SCD5: variants seen among roughly 807,000 people sequenced by gnomAD.
SCD5 encodes the protein acyl-CoA-desaturase 4.
SCD5 carries 20 observed loss-of-function variants against 30.4 expected under a neutral mutation model. That is an observed-to-expected ratio of 0.66 (90% confidence interval 0.46 to 0.96). The LOEUF is 0.96. SCD5 is among the 40% of genes least tolerant of loss of function. The probability of loss-of-function intolerance (pLI) is 0.00; values close to 1 mark genes in which losing one functional copy is unlikely to be tolerated. For synonymous variants in SCD5, 173 were observed against 176.4 expected (o/e 0.98, Z 0.16); for missense variants, 381 against 443.3 (o/e 0.86, Z 1.26).
At chr4:82,701,870 A>G (rs1463973536) in intron 2 of SCD5, among the ~76,000 whole-genome samples, 1 of 152,192 alleles carries the variant, frequency 6.6e-6, no homozygotes, top group African/African-American at 2.4e-5. Context: ...TGAGCGTGAC[A>G]GCACAAATCT....
chr4:82,734,430 C>A (rs116029840), intron 1 of SCD5, among the ~76,000 whole-genome samples: 8,199 of 152,252 alleles, frequency 0.054, 267 homozygotes, highest in Non-Finnish European at 0.062. Flanking sequence ...TTTTCCTCTA[C>A]GTATAATCGA....
chr4:82,711,523 G>C (rs1720085580), intron 1 of SCD5, among the ~76,000 whole-genome samples: 1 of 152,134 alleles, frequency 6.6e-6, no homozygotes, highest in Non-Finnish European at 1.5e-5. Context: ...AGACCAGCCT[G>C]GATGACAAGG....
intron 1 of SCD5, among the ~76,000 whole-genome samples, chr4:82,781,227 C>A (rs903102600): frequency 6.6e-6 from 1 of 152,076 alleles, no homozygotes; most frequent in Non-Finnish European, 1.5e-5. Context: ...CCAGCCTGGG[C>A]AACATGGTGA....
intron 2 of SCD5, among the ~76,000 whole-genome samples, chr4:82,699,145 C>A (rs1446315460): frequency 6.6e-6 from 1 of 152,122 alleles, no homozygotes; most frequent in Admixed American, 6.5e-5. Flanking sequence ...CATCCCCCCA[C>A]CCTGCCATCT....
At chr4:82,714,696 G>A (rs1191265968) in intron 1 of SCD5, among the ~76,000 whole-genome samples, 2 of 152,238 alleles carry the variant, frequency 1.3e-5, no homozygotes, top group East Asian at 1.9e-4. Flanking sequence ...AATCTGAAAT[G>A]TTCTAAAATT....
chr4:82,638,052 G>A (rs761487308), intron 3 of SCD5, among the ~76,000 whole-genome samples: 4 of 152,042 alleles, frequency 2.6e-5, no homozygotes, highest in African/African-American at 4.8e-5. Flanking sequence ...GTGTCCGTGT[G>A]TTCTCATTGT....
At chr4:82,697,793 C>T (rs1413012192) in intron 2 of SCD5, among the ~76,000 whole-genome samples, 1 of 152,218 alleles carries the variant, frequency 6.6e-6, no homozygotes, top group African/African-American at 2.4e-5. Flanking sequence ...GCTAGGCCAC[C>T]TCCCACCTGC....
chr4:82,798,355 C>G lies in SCD5; in HGVS notation c.183G>C (p.Val61=). 2.5e-6 allele frequency: 4 copies of G among 1,613,248 alleles called. No individual in the cohort carries two copies. The highest frequency in any genetic ancestry group is 3.4e-6 in the Non-Finnish European group (4 of 1,179,572). ...VLMSLLHLGA[V]YSLVLIPKAK... Reference sequence around the variant, plus strand: ...CTTTGGGGATGAGCACCAGGGAGTACACGGCCCCCAAGTGGAGCAAGCTCA... The same window carrying G: ...CTTTGGGGATGAGCACCAGGGAGTAGACGGCCCCCAAGTGGAGCAAGCTCA... Residue 61 remains valine (V), a synonymous_variant, in exon 1 of 5, where the codon GTG becomes GTC. Coordinates refer to ENST00000319540, the MANE Select transcript of SCD5 (RefSeq NM_001037582.3).
intron 3 of SCD5, among the ~76,000 whole-genome samples, chr4:82,670,453 C>T (rs926441698): frequency 3.9e-5 from 6 of 151,934 alleles, no homozygotes; most frequent in African/African-American, 1.5e-4. Context: ...TGAATAGAAA[C>T]TTCCAAAACT....
chr4:82,790,977 T>C (rs1182892675), intron 1 of SCD5, among the ~76,000 whole-genome samples: 1 of 152,130 alleles, frequency 6.6e-6, no homozygotes, highest in African/African-American at 2.4e-5. Context: ...TGGTGGCTCA[T>C]GCCTGTAATC....
At chr4:82,684,131 T>C (rs1728644834) in intron 2 of SCD5, among the ~76,000 whole-genome samples, 1 of 152,196 alleles carries the variant, frequency 6.6e-6, no homozygotes, top group Admixed American at 6.5e-5. Flanking sequence ...AACAGAGATA[T>C]TTATTTTCAT....
At chr4:82,754,996 G>C (rs1045345966) in intron 1 of SCD5, among the ~76,000 whole-genome samples, 1 of 152,108 alleles carries the variant, frequency 6.6e-6, no homozygotes, top group Non-Finnish European at 1.5e-5. Context: ...GTGCCAAAGT[G>C]CCTAGGCTAA....
rs187574908 is a variant in SCD5, at chr4:82,762,975, C to A, written c.232+35331G>T. 3.2e-3 allele frequency among the ~76,000 whole-genome samples: 492 copies of A among 152,222 alleles called. 7 individuals carry two copies. The highest frequency in any genetic ancestry group is 1.7e-3 in the South Asian group (8 of 4,824). On this transcript the variant is annotated intron_variant, in intron 1 of 4. Coordinates refer to ENST00000319540, the MANE Select transcript of SCD5 (RefSeq NM_001037582.3). ...GCACAGCCCCATCGCCTTCCTGGTC[C>A]CCCTCTGTAGGGCTCTCCATGCCTC...
At chr4:82,653,679 T>TAGACAGACAGAC (rs1254415361) in intron 3 of SCD5, among the ~76,000 whole-genome samples, 13 of 145,170 alleles carry the variant, frequency 9.0e-5, no homozygotes, top group East Asian at 8.3e-4. Context: ...AAGTCAATGA[T>TAGACAGACAGAC]AGATAGATAG....
rs762732703 is a variant in SCD5, at chr4:82,712,243, CATATATATATATATATATATATATAT to C, written c.233-6856_233-6831del. Among the ~76,000 whole-genome samples, 114 of 28,832 alleles carry C rather than the reference CATATATATATATATATATATATATAT, an allele frequency of 4.0e-3. 13 individuals are homozygous for C. The highest frequency in any genetic ancestry group is 5.8e-3 in the Admixed American group (15 of 2,584). 18.9% of individuals were successfully genotyped at this position (28,832 alleles called of 152,430 possible). Reference sequence around the variant, plus strand: ...ATAGGTCTGGGGAGGGACCAACTAACATATATATATATATATATATATATATATATATATATATATATATATATATA... The same window carrying C: ...ATAGGTCTGGGGAGGGACCAACTAACATATATATATATATATATATATATA... On this transcript the variant is annotated intron_variant, in intron 1 of 4. Coordinates refer to ENST00000319540, the MANE Select transcript of SCD5 (RefSeq NM_001037582.3).
chr4:82,787,520 TC>T (rs1309317708), intron 1 of SCD5, among the ~76,000 whole-genome samples: 3 of 152,188 alleles, frequency 2.0e-5, no homozygotes, highest in Non-Finnish European at 4.4e-5. Flanking sequence ...TCCGCTTCCT[TC>T]GAGCCAGAGC....
intron 2 of SCD5, among the ~76,000 whole-genome samples, chr4:82,704,484 A>G (rs185612443): frequency 2.6e-5 from 4 of 152,332 alleles, no homozygotes; most frequent in African/African-American, 9.6e-5. Flanking sequence ...AAAGTACCCA[A>G]GGAGGTGGGG....
At chr4:82,635,791 CA>C (rs1452000622) in intron 4 of SCD5, among the ~76,000 whole-genome samples, 1 of 152,046 alleles carries the variant, frequency 6.6e-6, no homozygotes, top group Non-Finnish European at 1.5e-5. Flanking sequence ...GTGACTTGCC[CA>C]GAGAGTAAGT....
chr4:82,633,410 T>A (rs1277932918), intron 4 of SCD5, among the ~76,000 whole-genome samples: 1 of 152,244 alleles, frequency 6.6e-6, no homozygotes, highest in Non-Finnish European at 1.5e-5. Flanking sequence ...TGATTGCACA[T>A]CTTGGCTACT....
Sources: gnomAD v4.1 joint callset for allele counts (sites outside exome capture counted in the v4.1 genomes callset) on GRCh38, gnomAD v4.1.1 for gene constraint, MANE v1.5 for transcripts, NCBI Gene and HGNC (gene_info 2026-07-23, HGNC 2026-07-21) for gene names.